Variants in PRKD1 observed in about 807,000 individuals in gnomAD.
PRKD1 encodes serine/threonine-protein kinase D1.
PRKD1 carries 63 observed loss-of-function variants against 95.9 expected under a neutral mutation model. The ratio of observed to expected loss-of-function variants is 0.66; its 90% CI spans 0.54 to 0.81. The LOEUF (loss-of-function observed/expected upper bound fraction) is 0.81, where lower values mean the gene tolerates loss of function less well. Among genes scored for constraint, PRKD1 ranks in the 30% least tolerant of loss-of-function variants. PRKD1 has a pLI of 0.00. For missense variants in PRKD1, 1,048 were observed against 1,165.3 expected, an observed-to-expected ratio of 0.90 and a Z score of 1.47; for synonymous variants, 425 against 423.1, an observed-to-expected ratio of 1.00 and a Z score of -0.05.
At chr14:29,690,928 C>A (rs1248461146) in intron 2 of PRKD1, among the ~76,000 whole-genome samples, 1 of 152,006 alleles carries the variant, frequency 6.6e-6, no homozygotes, top group East Asian at 1.9e-4. Flanking sequence ...AGATAAATAT[C>A]TCCCCCATGT....
At chr14:29,622,173 C>T (rs79019011) in intron 13 of PRKD1, among the ~76,000 whole-genome samples, 5,795 of 152,058 alleles carry the variant, frequency 0.038, 386 homozygotes, top group African/African-American at 0.13. Context: ...ACTCCTATGA[C>T]AATCTAATGC....
At chr14:29,690,780 C>A (rs1417845561) in intron 2 of PRKD1, among the ~76,000 whole-genome samples, 1 of 152,172 alleles carries the variant, frequency 6.6e-6, no homozygotes, top group African/African-American at 2.4e-5. Flanking sequence ...CATGTATGTG[C>A]ACTCTCTTGG....
At chr14:29,762,032 A>C (rs1888017122) in intron 1 of PRKD1, among the ~76,000 whole-genome samples, 1 of 152,016 alleles carries the variant, frequency 6.6e-6, no homozygotes, top group Non-Finnish European at 1.5e-5. Flanking sequence ...TTGGCCTCCC[A>C]CAGCACAAGG....
At chr14:29,663,561 C>G in intron 4 of PRKD1, 138 bp downstream of exon 4, 5 of 951,192 alleles carry the variant, frequency 5.3e-6, no homozygotes, top group South Asian at 3.6e-5. Context: ...ATCTACAGCA[C>G]AAGCCCTGAA....
intron 1 of PRKD1, among the ~76,000 whole-genome samples, chr14:29,834,779 C>T (rs935182792): frequency 6.6e-6 from 1 of 152,074 alleles, no homozygotes; most frequent in Non-Finnish European, 1.5e-5. Context: ...GCTTACACAT[C>T]CCATAAAGTA....
intron 1 of PRKD1, among the ~76,000 whole-genome samples, chr14:29,795,052 G>A (rs1889752451): frequency 1.3e-5 from 2 of 151,910 alleles, no homozygotes; most frequent in Admixed American, 1.3e-4. Context: ...TACTTTTCGT[G>A]TTTTCATTTA....
intron 1 of PRKD1, among the ~76,000 whole-genome samples, chr14:29,891,734 C>T (rs992164630): frequency 6.6e-6 from 1 of 151,712 alleles, no homozygotes; most frequent in African/African-American, 2.4e-5. Flanking sequence ...AAACAATGCA[C>T]GTATTATTCC....
At chr14:29,875,463 G>C (rs958711103) in intron 1 of PRKD1, among the ~76,000 whole-genome samples, 1 of 152,144 alleles carries the variant, frequency 6.6e-6, no homozygotes, top group Non-Finnish European at 1.5e-5. Context: ...ATTTATTAGA[G>C]GCAAAACTGT....
chr14:29,686,322 T>TG (rs1883868113), intron 2 of PRKD1, among the ~76,000 whole-genome samples: 1 of 152,130 alleles, frequency 6.6e-6, no homozygotes, highest in Non-Finnish European at 1.5e-5. Flanking sequence ...TGGAAGCGTC[T>TG]GGGGGAATGA....
intron 13 of PRKD1, among the ~76,000 whole-genome samples, chr14:29,615,982 G>A (rs1376246878): frequency 6.6e-6 from 1 of 152,116 alleles, no homozygotes; most frequent in East Asian, 1.9e-4. Flanking sequence ...ATGTGAGACT[G>A]AAGTGCCTGT....
intron 1 of PRKD1, among the ~76,000 whole-genome samples, chr14:29,755,391 T>C (rs916859943): frequency 6.6e-6 from 1 of 152,202 alleles, no homozygotes; most frequent in Non-Finnish European, 1.5e-5. Flanking sequence ...TCTAAATTAA[T>C]GATGTAGCCT....
intron 3 of PRKD1, among the ~76,000 whole-genome samples, chr14:29,665,272 T>C (rs995865761): frequency 4.6e-5 from 7 of 152,226 alleles, no homozygotes; most frequent in Non-Finnish European, 1.0e-4. Context: ...TGGTTTTCAG[T>C]ACATGAATGA....
At chr14:29,646,028 G>C (rs978549891) in intron 4 of PRKD1, among the ~76,000 whole-genome samples, 1 of 152,178 alleles carries the variant, frequency 6.6e-6, no homozygotes, top group African/African-American at 2.4e-5. Context: ...GTTCATCATT[G>C]TAACACCAAT....
chr14:29,770,324 T>C (rs1448847623), intron 1 of PRKD1, among the ~76,000 whole-genome samples: 1 of 152,144 alleles, frequency 6.6e-6, no homozygotes, highest in African/African-American at 2.4e-5. Flanking sequence ...GGGTAATGAG[T>C]AAAGGCTGGG....
At chr14:29,838,079 T>G (rs1165214356) in intron 1 of PRKD1, among the ~76,000 whole-genome samples, 3 of 152,122 alleles carry the variant, frequency 2.0e-5, no homozygotes, top group Non-Finnish European at 2.9e-5. Context: ...ACATACTAAT[T>G]TTCACAGGAG....
intron 16 of PRKD1, among the ~76,000 whole-genome samples, chr14:29,588,966 T>C (rs1893031523): frequency 6.6e-6 from 1 of 152,014 alleles, no homozygotes; most frequent in Non-Finnish European, 1.5e-5. Context: ...AGACTTCACC[T>C]GTGAACACAG....
At chr14:29,769,318 C>T (rs923839222) in intron 1 of PRKD1, among the ~76,000 whole-genome samples, 23 of 151,996 alleles carry the variant, frequency 1.5e-4, no homozygotes, top group African/African-American at 2.2e-4. Flanking sequence ...CCTGTAATCC[C>T]GGCACTTTAG....
intron 12 of PRKD1, among the ~76,000 whole-genome samples, chr14:29,625,016 GA>G (rs1879527475): frequency 6.6e-6 from 1 of 152,122 alleles, no homozygotes; most frequent in South Asian, 2.1e-4. Flanking sequence ...TCAGAAAATA[GA>G]AATGGAAAAT....
intron 2 of PRKD1, among the ~76,000 whole-genome samples, chr14:29,717,112 ACAT>A (rs1180877150): frequency 6.6e-6 from 1 of 152,192 alleles, no homozygotes; most frequent in East Asian, 1.9e-4. Flanking sequence ...CATACATAGG[ACAT>A]CAATTTAATT....
Sources: gnomAD v4.1 joint callset for allele counts (sites outside exome capture counted in the v4.1 genomes callset) on GRCh38, gnomAD v4.1.1 for gene constraint, MANE v1.5 for transcripts, NCBI Gene and HGNC (gene_info 2026-07-23, HGNC 2026-07-21) for gene names.